LRP2BP: variants seen among roughly 807,000 people sequenced by gnomAD.
LRP2BP encodes the protein LRP2 binding protein, also known as LRP2-binding protein.
LRP2BP carries 38 observed loss-of-function variants against 45.2 expected under a neutral mutation model. The observed-to-expected ratio is 0.84, with a 90% CI of 0.65 to 1.10. The LOEUF (loss-of-function observed/expected upper bound fraction) is 1.10, where lower values mean the gene tolerates loss of function less well. Ranked by LOEUF, LRP2BP falls within the 50% of genes least tolerant of loss-of-function variation. The pLI, the probability that LRP2BP is intolerant of heterozygous loss-of-function variation, is 0.00. For missense variants in LRP2BP, 385 were observed against 418.9 expected, an observed-to-expected ratio of 0.92 and a Z score of 0.71; for synonymous variants, 153 against 153.9, an observed-to-expected ratio of 0.99 and a Z score of 0.04.
At chr4:185,367,267 A>G (rs371006528) in intron 8 of LRP2BP, 22 bp from the exon 9 acceptor site, 1 of 1,598,550 alleles carries the variant, frequency 6.3e-7, no homozygotes. Flanking sequence ...AAAGAGTCAG[A>G]TATTTAGATA....
At chr4:185,385,678 A>C (rs976674337) in intron 1 of LRP2BP, among the ~76,000 whole-genome samples, 1 of 152,166 alleles carries the variant, frequency 6.6e-6, no homozygotes, top group African/African-American at 2.4e-5. Flanking sequence ...TAAGGCAGGC[A>C]GATCAGGAGG....
At chr4:185,384,742 T>A (rs540454004) in intron 1 of LRP2BP, among the ~76,000 whole-genome samples, 10 of 152,026 alleles carry the variant, frequency 6.6e-5, no homozygotes, top group Admixed American at 4.6e-4. Context: ...AGTAGTTTTT[T>A]AAAAACCCCA....
intron 1 of LRP2BP, chr4:185,378,412 C>T: frequency 1.5e-6 from 2 of 1,353,900 alleles, no homozygotes; most frequent in Non-Finnish European, 1.9e-6. Context: ...AGCCATTCTC[C>T]ATGTCATTTT....
At chr4:185,380,764 T>C (rs1483978023) in intron 1 of LRP2BP, among the ~76,000 whole-genome samples, 1 of 152,188 alleles carries the variant, frequency 6.6e-6, no homozygotes, top group Non-Finnish European at 1.5e-5. Context: ...ATCTATTTCA[T>C]TTTTCTCTCC....
chr4:185,394,911 T>C lies in LRP2BP; in HGVS notation c.-154A>G. The C allele has an allele frequency of 3.0e-6, 3 of 985,490 alleles. No homozygotes were observed. The highest frequency in any genetic ancestry group is 3.6e-6 in the Non-Finnish European group (3 of 829,948). 61.0% of individuals were successfully genotyped at this position (985,490 alleles called of 1,614,324 possible). On this transcript the variant is annotated 5_prime_UTR_variant, in exon 1 of 9. An upstream start codon of the reference 5' UTR is lost. Coordinates refer to ENST00000505916, the MANE Select transcript of LRP2BP (RefSeq NM_001377440.1). ...CCTATAAAATATGCATCTTAGATCA[T>C]CTTCCGTTTTAGAAAATTGATCCCA... is the stretch of plus-strand genomic sequence containing the variant.
intron 8 of LRP2BP, among the ~76,000 whole-genome samples, chr4:185,369,241 T>A (rs1485490042): frequency 1.3e-5 from 2 of 149,132 alleles, no homozygotes; most frequent in Non-Finnish European, 3.0e-5. Flanking sequence ...TTTTTTTTTT[T>A]TTTTTTTGAG....
At chr4:185,388,670 AT>A (rs542569326) in intron 1 of LRP2BP, among the ~76,000 whole-genome samples, 70 of 152,362 alleles carry the variant, frequency 4.6e-4, no homozygotes, top group African/African-American at 1.7e-3. Context: ...TAATATTTCA[AT>A]TATATATGTA....
In LRP2BP at chr4:185,395,874, G is replaced by A. The variant is rs1479028781; in HGVS notation, c.-1117C>T. The stretch of plus-strand genomic sequence containing the variant: ...GTAGGGGAAAAGAAACACTCGGCTG[G>A]AGCTTTGGTTTCTAAGCAGATCCTT... On this transcript the variant is annotated 5_prime_UTR_variant, in exon 1 of 9. Transcript: ENST00000505916. 1 of 985,376 alleles carries A rather than the reference G, an allele frequency of 1.0e-6. No individual in the cohort carries two copies. The highest frequency in any genetic ancestry group is 1.7e-5 in the African/African-American group (1 of 57,260). 61.0% of individuals were successfully genotyped at this position (985,376 alleles called of 1,614,324 possible).
intron 7 of LRP2BP, among the ~76,000 whole-genome samples, chr4:185,371,848 C>T (rs139605265): frequency 7.9e-4 from 121 of 152,258 alleles, no homozygotes; most frequent in African/African-American, 2.6e-3. Flanking sequence ...CCTTCATCCT[C>T]TCTTGTAGAT....
rs1181247834 is a variant in LRP2BP at position 185,374,411 on chromosome 4, T to A, written c.381A>T (p.Lys127Asn). The change falls in exon 5 of 9, where the codon AAA (lysine) becomes AAT (asparagine). Residue 127 changes from lysine (K) to asparagine (N), a missense_variant. Physicochemically the swap from Lys to Asn is moderately conservative, Grantham distance 94. Transcript: ENST00000505916. ...MKKILDSPCP[K>N]ARHLKFAAAY... is the part of the protein sequence containing the mutation. ...CAGCTGCAAATTTTAAGTGTCTTGC[T>A]TTGGGACATGGAGAATCAAGAATTT... is the stretch of plus-strand genomic sequence containing the variant. 2 of 1,614,088 alleles carry A rather than the reference T, an allele frequency of 1.2e-6. No homozygotes were observed. The highest frequency in any genetic ancestry group is 1.7e-6 in the Non-Finnish European group (2 of 1,180,044).
At chr4:185,379,862 G>C (rs1291622593) in intron 1 of LRP2BP, among the ~76,000 whole-genome samples, 1 of 152,026 alleles carries the variant, frequency 6.6e-6, no homozygotes, top group East Asian at 1.9e-4. Flanking sequence ...CTGTCATCCA[G>C]GCTAGAAGAG....
intron 1 of LRP2BP, among the ~76,000 whole-genome samples, chr4:185,384,905 G>A (rs914591702): frequency 8.6e-4 from 20 of 23,138 alleles, no homozygotes; most frequent in African/African-American, 2.0e-3. Context: ...CCCGCCCCCC[G>A]TCCCCCGCCG....
intron 6 of LRP2BP, 33 bp from the exon 7 acceptor site, chr4:185,373,112 T>C (rs374913250): frequency 6.4e-7 from 1 of 1,556,978 alleles, no homozygotes; most frequent in African/African-American, 1.4e-5. Context: ...ATTGTATTTG[T>C]GATCCACTAG....
chr4:185,368,784 G>A (rs1239275025), intron 8 of LRP2BP, among the ~76,000 whole-genome samples: 3 of 150,032 alleles, frequency 2.0e-5, no homozygotes, highest in Non-Finnish European at 4.4e-5. Flanking sequence ...TCTCAGATTG[G>A]AATCTGTTTT....
intron 1 of LRP2BP, among the ~76,000 whole-genome samples, chr4:185,394,471 G>T (rs890989743): frequency 6.6e-6 from 1 of 152,120 alleles, no homozygotes; most frequent in African/African-American, 2.4e-5. Context: ...TTCCTCTTCT[G>T]TAAAATGCAG....
intron 8 of LRP2BP, among the ~76,000 whole-genome samples, chr4:185,368,651 C>A (rs1253144222): frequency 6.6e-6 from 1 of 152,180 alleles, no homozygotes; most frequent in East Asian, 1.9e-4. Context: ...TTATCAGTAT[C>A]CCCATAATGT....
rs71638139 is a variant in LRP2BP, at chr4:185,385,912, G to T, written c.-21-7705C>A. Among the ~76,000 whole-genome samples, 101 of 22,824 alleles carry T rather than the reference G, an allele frequency of 4.4e-3. 3 individuals are homozygous for T. Among genetic ancestry groups the T allele is most frequent in the African/African-American group, 7.0e-3 (92 of 13,088 alleles). The allele number at this position is 22,824 out of a possible 152,430, so 15.0% of individuals were successfully genotyped here. A position where few individuals can be genotyped will look rare whatever the true frequency, so the allele number is the denominator to read the frequency against. Reference sequence around the variant, plus strand: ...CAAGACTCTGTCTCGGGGAGGGGGGGGGGGAGATAAAGAAATAACATCATC... The same window carrying T: ...CAAGACTCTGTCTCGGGGAGGGGGGTGGGGAGATAAAGAAATAACATCATC... On this transcript the variant is annotated intron_variant, in intron 1 of 8. Transcript: ENST00000505916.
chr4:185,391,767 G>A (rs1251587677), intron 1 of LRP2BP, among the ~76,000 whole-genome samples: 1 of 152,116 alleles, frequency 6.6e-6, no homozygotes, highest in Non-Finnish European at 1.5e-5. Context: ...TGTCTGCAAG[G>A]AGCCCTGGTT....
chr4:185,376,800 G>C (rs866265962), intron 3 of LRP2BP, 109 bp downstream of exon 3: 2 of 716,054 alleles, frequency 2.8e-6, no homozygotes, highest in South Asian at 3.6e-5. Flanking sequence ...GATGTAATTG[G>C]ACAGAATTTC....
Sources: gnomAD v4.1 joint callset for allele counts (sites outside exome capture counted in the v4.1 genomes callset) on GRCh38, gnomAD v4.1.1 for gene constraint, MANE v1.5 for transcripts, NCBI Gene and HGNC (gene_info 2026-07-23, HGNC 2026-07-21) for gene names.